The following STXBP5 variants were observed in gnomAD, a reference collection of about 807,000 sequenced individuals.
The protein encoded by STXBP5 is syntaxin-binding protein 5.
A neutral mutation model predicts 152.4 loss-of-function variants in STXBP5; 50 were observed. The observed-to-expected ratio is 0.33, with a 90% CI of 0.26 to 0.42. The LOEUF (loss-of-function observed/expected upper bound fraction) is 0.42, where lower values mean the gene tolerates loss of function less well. Among genes scored for constraint, STXBP5 ranks in the 10% least tolerant of loss-of-function variants. STXBP5 has a pLI of 1.00. For synonymous variants in STXBP5, 492 were observed against 494.7 expected, an observed-to-expected ratio of 0.99 and a Z score of 0.07; for missense variants, 1,167 against 1,388.6, an observed-to-expected ratio of 0.84 and a Z score of 2.54.
At chr6:147,316,521 A>C in intron 16 of STXBP5, 114 bp downstream of exon 16, 10 of 993,724 alleles carry the variant, frequency 1.0e-5, no homozygotes, top group Non-Finnish European at 1.2e-5. Context: ...TGGCATAAGA[A>C]TGGTTCTTCC....
At position 147,338,394 on chromosome 6, in the gene STXBP5, G is replaced by A. The variant is rs9403851; in HGVS notation, c.2147-785G>A. Among the ~76,000 whole-genome samples the A allele has an allele frequency of 6.6e-5, 10 of 151,988 alleles. No homozygotes were observed. The East Asian group carries it at 1.9e-3, about 29-fold the overall frequency. Reference sequence around the variant, plus strand: ...GAGACTGAAAAATTGAATGGATGAGGTATTGAGATGTGCCTTTAAAGAAGA... The same window carrying A: ...GAGACTGAAAAATTGAATGGATGAGATATTGAGATGTGCCTTTAAAGAAGA... On this transcript the variant is annotated intron_variant, in intron 19 of 27. Coordinates refer to ENST00000321680, the MANE Select transcript of STXBP5 (RefSeq NM_001127715.4).
intron 7 of STXBP5, among the ~76,000 whole-genome samples, chr6:147,267,840 T>A (rs540855929): frequency 6.6e-6 from 1 of 152,258 alleles, no homozygotes; most frequent in South Asian, 2.1e-4. Context: ...ATTTCAGATG[T>A]TGGAAGCCAG....
intron 2 of STXBP5, among the ~76,000 whole-genome samples, chr6:147,216,253 G>T (rs1489559324): frequency 2.6e-5 from 4 of 152,034 alleles, no homozygotes; most frequent in African/African-American, 9.7e-5. Flanking sequence ...TTTGCCGAGC[G>T]TGGTGGCAGG....
In STXBP5 at chr6:147,250,969, CAAAAAAAAAA is replaced by C. The variant is rs887963991; in HGVS notation, c.432-9631_432-9622del. 1.1e-3 allele frequency among the ~76,000 whole-genome samples: 57 copies of C among 52,944 alleles called. No homozygotes were observed. The Middle Eastern group carries it at 0.039, about 37-fold the overall frequency. 34.7% of individuals were successfully genotyped at this position (52,944 alleles called of 152,430 possible). ...GGCAACAAGAGTGAAACCTTGTCTC[CAAAAAAAAAA>C]AAAAAAAAAAAAAAGAAGGCCGAAT... On this transcript the variant is annotated intron_variant, in intron 4 of 27. Coordinates refer to ENST00000321680, the MANE Select transcript of STXBP5 (RefSeq NM_001127715.4).
In STXBP5 at chr6:147,385,180, A is replaced by C. The variant is rs1431235166; in HGVS notation, c.*425A>C. 6.0e-6 allele frequency: 1 copy of C among 165,742 alleles called. No individual in the cohort carries two copies. The highest frequency in any genetic ancestry group is 2.4e-5 in the African/African-American group (1 of 41,606). 10.3% of individuals were successfully genotyped at this position (165,742 alleles called of 1,614,324 possible). On this transcript the variant is annotated 3_prime_UTR_variant, in exon 28 of 28. Transcript: ENST00000321680. The stretch of plus-strand genomic sequence containing the variant: ...CAGAAGTCTTGAAGTTGAAATAGTT[A>C]TATGTGTGTCATTGGACTGGATTAT...
chr6:147,315,850 CT>C (rs1166018919), intron 15 of STXBP5, 115 bp downstream of exon 15: 1 of 839,476 alleles, frequency 1.2e-6, no homozygotes. Flanking sequence ...TTGAAAACAC[CT>C]TAGTATTTAT....
At chr6:147,235,648 G>GTC (rs1172453131) in intron 3 of STXBP5, among the ~76,000 whole-genome samples, 1 of 152,094 alleles carries the variant, frequency 6.6e-6, no homozygotes, top group East Asian at 1.9e-4. Context: ...TTTTTTAAAA[G>GTC]ATTGAGCTTA....
At chr6:147,293,401 T>A (rs1781373990) in intron 9 of STXBP5, 2 of 152,194 alleles carry the variant, frequency 1.3e-5, no homozygotes, top group Non-Finnish European at 2.9e-5. Flanking sequence ...CTGGCCTCTT[T>A]CCTTGAAATA....
chr6:147,379,743 C>CT lies in STXBP5; in HGVS notation c.3194-3034dup, dbSNP rs147216408. Among the ~76,000 whole-genome samples the CT allele has an allele frequency of 7.5e-3, 1,143 of 152,016 alleles. 13 individuals carry two copies. The highest frequency in any genetic ancestry group is 0.026 in the African/African-American group (1,084 of 41,490). ...GATGTAATCTTATCTATAGAAAATCCTAAGGAATCCACATAAAACTAATTA... is the reference window on the plus strand; with the variant it reads ...GATGTAATCTTATCTATAGAAAATCCTTAAGGAATCCACATAAAACTAATTA... On this transcript the variant is annotated intron_variant, in intron 26 of 27. Coordinates refer to ENST00000321680, the MANE Select transcript of STXBP5 (RefSeq NM_001127715.4).
At chr6:147,346,285 C>T (rs914444599) in intron 21 of STXBP5, among the ~76,000 whole-genome samples, 1 of 152,022 alleles carries the variant, frequency 6.6e-6, no homozygotes, top group African/African-American at 2.4e-5. Context: ...GTCTACAACC[C>T]CATCATCACA....
chr6:147,324,908 A>G (rs763383130), intron 16 of STXBP5, 51 bp from the exon 17 acceptor site: 4 of 1,373,918 alleles, frequency 2.9e-6, no homozygotes, highest in Middle Eastern at 3.9e-4. Flanking sequence ...ATAATCATAT[A>G]GGCCAATAGT....
intron 8 of STXBP5, among the ~76,000 whole-genome samples, chr6:147,289,708 A>G (rs1238112473): frequency 6.6e-6 from 1 of 151,746 alleles, no homozygotes; most frequent in African/African-American, 2.4e-5. Context: ...AAAATAAGTT[A>G]CTCTTTTTAT....
chr6:147,274,147 A>G (rs553368522), intron 7 of STXBP5, among the ~76,000 whole-genome samples: 1 of 152,156 alleles, frequency 6.6e-6, no homozygotes, highest in African/African-American at 2.4e-5. Flanking sequence ...ATACACATGC[A>G]CACACACAAA....
At chr6:147,216,205 A>C (rs1777156725) in intron 2 of STXBP5, among the ~76,000 whole-genome samples, 1 of 152,142 alleles carries the variant, frequency 6.6e-6, no homozygotes. Flanking sequence ...CAGCCTGACC[A>C]ACATGGTGAA....
chr6:147,318,529 A>G (rs776708652), intron 16 of STXBP5, among the ~76,000 whole-genome samples: 1 of 152,144 alleles, frequency 6.6e-6, no homozygotes, highest in Non-Finnish European at 1.5e-5. Flanking sequence ...AGATTATGGT[A>G]TGGCCATCTT....
At chr6:147,272,766 A>G (rs1057206636) in intron 7 of STXBP5, among the ~76,000 whole-genome samples, 5 of 152,220 alleles carry the variant, frequency 3.3e-5, no homozygotes, top group Non-Finnish European at 5.9e-5. Context: ...TACTCAGTAC[A>G]GCTTTAATTA....
intron 2 of STXBP5, among the ~76,000 whole-genome samples, chr6:147,230,775 A>G (rs1427285795): frequency 6.6e-6 from 1 of 151,746 alleles, no homozygotes; most frequent in African/African-American, 2.4e-5. Flanking sequence ...CTTCTTTACT[A>G]ACTAGGTGAG....
intron 9 of STXBP5, among the ~76,000 whole-genome samples, chr6:147,309,794 G>C (rs1012777845): frequency 6.6e-6 from 1 of 152,090 alleles, no homozygotes; most frequent in Admixed American, 6.6e-5. Flanking sequence ...ACTTTAATCA[G>C]CAGAAAGCCA....
intron 8 of STXBP5, among the ~76,000 whole-genome samples, chr6:147,290,865 TCTTA>T (rs988464963): frequency 3.0e-4 from 46 of 152,336 alleles, no homozygotes; most frequent in African/African-American, 7.7e-4. Flanking sequence ...ACATAAATGT[TCTTA>T]CTAAGTTATT....
Sources: allele counts gnomAD v4.1 joint callset (sites outside exome capture counted in the v4.1 genomes callset), GRCh38; gene constraint gnomAD v4.1.1; transcripts MANE v1.5; gene names NCBI Gene and HGNC (gene_info 2026-07-23, HGNC 2026-07-21).